Variants in SEMA6D observed in about 807,000 individuals in gnomAD.
SEMA6D encodes the protein semaphorin-6D.
SEMA6D carries 35 observed loss-of-function variants against 106.6 expected under a neutral mutation model. The observed-to-expected ratio is 0.33, with a 90% CI of 0.25 to 0.44. The LOEUF (loss-of-function observed/expected upper bound fraction) is 0.44, where lower values mean the gene tolerates loss of function less well. Among genes scored for constraint, SEMA6D ranks in the 20% least tolerant of loss-of-function variants. The probability of loss-of-function intolerance (pLI) is 1.00; values close to 1 mark genes in which losing one functional copy is unlikely to be tolerated. For missense variants in SEMA6D, 1,185 were observed against 1,345.9 expected, an observed-to-expected ratio of 0.88 and a Z score of 1.87; for synonymous variants, 499 against 487.7, an observed-to-expected ratio of 1.02 and a Z score of -0.31.
intron 1 of SEMA6D, among the ~76,000 whole-genome samples, chr15:47,727,541 G>C (rs762640987): frequency 3.3e-5 from 5 of 152,190 alleles, no homozygotes; most frequent in East Asian, 1.9e-4. Context: ...CTCAGTAGTA[G>C]ATCTAAGACC....
At chr15:47,422,171 CGCCT>C (rs1555436678) in intron 2 of SEMA6D, among the ~76,000 whole-genome samples, 22 of 124,170 alleles carry the variant, frequency 1.8e-4, no homozygotes, top group South Asian at 9.5e-4. Flanking sequence ...TTTGCCCGCC[CGCCT>C]GCCTGCCTTC....
intron 4 of SEMA6D, among the ~76,000 whole-genome samples, chr15:47,629,241 T>C (rs1045803142): frequency 6.6e-6 from 1 of 152,048 alleles, no homozygotes. Context: ...TTTTCAGTAT[T>C]ATTTTAGCTA....
intron 3 of SEMA6D, among the ~76,000 whole-genome samples, chr15:47,511,800 G>A (rs1465779970): frequency 6.6e-6 from 1 of 152,070 alleles, no homozygotes; most frequent in Non-Finnish European, 1.5e-5. Context: ...ATGGGAGGAG[G>A]AGATCATTGA....
intron 4 of SEMA6D, among the ~76,000 whole-genome samples, chr15:47,674,876 A>G (rs1436874012): frequency 6.6e-6 from 1 of 152,206 alleles, no homozygotes; most frequent in Admixed American, 6.5e-5. Flanking sequence ...CTTCCCCAGC[A>G]GAAGTGGGAA....
rs2038403000 is a variant in SEMA6D at position 47,353,304 on chromosome 15, TCC to T, written c.-238-59086_-238-59085del. ...TTTAGAAGACCACCCACTCGTGCCC[TCC>T]CCAATTCATAATGAGAGCAAATTCA... On this transcript the variant is annotated intron_variant, in intron 1 of 19. Transcript: ENST00000558014. 2.0e-5 allele frequency among the ~76,000 whole-genome samples: 3 copies of T among 152,088 alleles called. No individual in the cohort carries two copies. The South Asian group carries it at 6.2e-4, about 32-fold the overall frequency.
intron 4 of SEMA6D, among the ~76,000 whole-genome samples, chr15:47,662,213 C>G (rs879681577): frequency 6.6e-6 from 1 of 152,068 alleles, no homozygotes; most frequent in Non-Finnish European, 1.5e-5. Context: ...CATCACTGCC[C>G]CATCCCCTCA....
At chr15:47,570,001 C>A (rs1332480565) in intron 3 of SEMA6D, among the ~76,000 whole-genome samples, 1 of 151,024 alleles carries the variant, frequency 6.6e-6, no homozygotes, top group Non-Finnish European at 1.5e-5. Flanking sequence ...GCAGAGATTG[C>A]AGTGACCCGA....
At chr15:47,663,325 G>T (rs2077964564) in intron 4 of SEMA6D, among the ~76,000 whole-genome samples, 1 of 152,192 alleles carries the variant, frequency 6.6e-6, no homozygotes, top group South Asian at 2.1e-4. Flanking sequence ...CTAGTAAGAT[G>T]CTTGAAATGT....
At chr15:47,690,800 CT>C (rs35977086) in intron 4 of SEMA6D, among the ~76,000 whole-genome samples, 45,261 of 151,942 alleles carry the variant, frequency 0.3, 8,309 homozygotes, top group Middle Eastern at 0.45. Flanking sequence ...TTTTTTAACA[CT>C]TCATTTTGTA....
At position 47,710,161 on chromosome 15, in the gene SEMA6D, A is replaced by C. The variant is rs141008507; in HGVS notation, c.-54-49584A>C. ...GAACTGAAATAGAGGCTGATGGATT[A>C]GCTTTTTATATTAAATTAATTTATT... On this transcript the variant is annotated intron_variant, in intron 4 of 19. Coordinates refer to the SEMA6D transcript ENST00000558014. Among the ~76,000 whole-genome samples the C allele has an allele frequency of 8.0e-3, 1,216 of 152,346 alleles. 18 individuals carry two copies. The highest frequency in any genetic ancestry group is 0.028 in the African/African-American group (1,176 of 41,586).
intron 1 of SEMA6D, among the ~76,000 whole-genome samples, chr15:47,752,775 G>A (rs1392872428): frequency 2.0e-5 from 3 of 152,116 alleles, no homozygotes; most frequent in African/African-American, 4.8e-5. Flanking sequence ...TAGGGAGGCC[G>A]AGGTGGACAG....
intron 1 of SEMA6D, among the ~76,000 whole-genome samples, chr15:47,247,055 T>C (rs1488678810): frequency 6.6e-6 from 1 of 152,212 alleles, no homozygotes; most frequent in African/African-American, 2.4e-5. Flanking sequence ...AGTTGTTACT[T>C]GACCACCTGT....
At chr15:47,427,898 C>CT (rs2041394264) in intron 2 of SEMA6D, among the ~76,000 whole-genome samples, 2 of 152,098 alleles carry the variant, frequency 1.3e-5, no homozygotes, top group Non-Finnish European at 2.9e-5. Context: ...TTCTCTTACT[C>CT]TCTCTTTCTC....
At chr15:47,249,093 TGG>T (rs2033364203) in intron 1 of SEMA6D, among the ~76,000 whole-genome samples, 1 of 152,128 alleles carries the variant, frequency 6.6e-6, no homozygotes, top group African/African-American at 2.4e-5. Context: ...CCGGCCATGA[TGG>T]TGCATGCCTG....
intron 1 of SEMA6D, among the ~76,000 whole-genome samples, chr15:47,404,423 C>T (rs1184087974): frequency 7.4e-6 from 1 of 134,830 alleles, no homozygotes; most frequent in Admixed American, 7.9e-5. Flanking sequence ...AGATTCTGAA[C>T]ATTTTTCCAG....
intron 1 of SEMA6D, among the ~76,000 whole-genome samples, chr15:47,253,649 G>T (rs1017389394): frequency 1.3e-5 from 2 of 152,014 alleles, no homozygotes; most frequent in African/African-American, 4.8e-5. Flanking sequence ...TGGCACCATT[G>T]TGAAAAATAA....
At chr15:47,546,356 G>A (rs1281586556) in intron 3 of SEMA6D, among the ~76,000 whole-genome samples, 2 of 152,068 alleles carry the variant, frequency 1.3e-5, no homozygotes, top group African/African-American at 2.4e-5. Flanking sequence ...AAGTAATATA[G>A]CACTGGGACT....
At chr15:47,555,109 G>A (rs1192127407) in intron 3 of SEMA6D, among the ~76,000 whole-genome samples, 4 of 152,110 alleles carry the variant, frequency 2.6e-5, no homozygotes, top group African/African-American at 9.7e-5. Flanking sequence ...AACAAGTAAA[G>A]GTAGACTTGA....
intron 4 of SEMA6D, among the ~76,000 whole-genome samples, chr15:47,695,557 A>G (rs2078681940): frequency 6.6e-6 from 1 of 152,068 alleles, no homozygotes; most frequent in Non-Finnish European, 1.5e-5. Context: ...ACACACACAA[A>G]TTTATGGGCT....
Sources: allele counts gnomAD v4.1 joint callset (sites outside exome capture counted in the v4.1 genomes callset), GRCh38; gene constraint gnomAD v4.1.1; transcripts MANE v1.5; gene names NCBI Gene and HGNC (gene_info 2026-07-23, HGNC 2026-07-21).